Variants in DPYSL2 observed in about 807,000 individuals in gnomAD.
The protein encoded by DPYSL2 is dihydropyrimidinase-related protein 2.
A neutral mutation model predicts 69.9 loss-of-function variants in DPYSL2; 13 were observed. The observed-to-expected ratio is 0.19, with a 90% CI of 0.12 to 0.30. The LOEUF (loss-of-function observed/expected upper bound fraction) is 0.30, where lower values mean the gene tolerates loss of function less well. Ranked by LOEUF, DPYSL2 falls within the 10% of genes least tolerant of loss-of-function variation. DPYSL2 has a pLI of 1.00. For missense variants in DPYSL2, 587 were observed against 918.9 expected, an observed-to-expected ratio of 0.64 and a Z score of 4.67; for synonymous variants, 326 against 359.1, an observed-to-expected ratio of 0.91 and a Z score of 1.04.
chr8:26,521,424 A>G (rs187949793), intron 1 of DPYSL2, among the ~76,000 whole-genome samples: 3 of 151,250 alleles, frequency 2.0e-5, no homozygotes, highest in South Asian at 2.1e-4. Flanking sequence ...TGCTCCTTCT[A>G]TCCATTTCCA....
intron 3 of DPYSL2, among the ~76,000 whole-genome samples, chr8:26,595,050 A>ATCAG (rs1305076720): frequency 7.0e-6 from 1 of 143,142 alleles, no homozygotes; most frequent in African/African-American, 2.5e-5. Flanking sequence ...CAATCAATCA[A>ATCAG]TAACTAAAAA....
chr8:26,574,141 G>A (rs1402654923), intron 1 of DPYSL2, among the ~76,000 whole-genome samples: 1 of 152,174 alleles, frequency 6.6e-6, no homozygotes, highest in East Asian at 1.9e-4. Flanking sequence ...GAGTGCTTAA[G>A]GCTGTGGGGG....
chr8:26,597,477 C>T lies in DPYSL2; in HGVS notation c.628+13494C>T, dbSNP rs528128521. ...CACGGGCAGATGGCATTTTTCTTTT[C>T]TTTTCTTTTTTTTTGGATACAGAGT... On this transcript the variant is annotated intron_variant, in intron 3 of 13. Coordinates refer to ENST00000521913, the MANE Select transcript of DPYSL2 (RefSeq NM_001197293.3). The surrounding 1 kb of genome is among the most constrained non-coding windows in gnomAD (Gnocchi z 5.2). Among the ~76,000 whole-genome samples the T allele has an allele frequency of 2.0e-5, 3 of 152,082 alleles. No individual in the cohort carries two copies. Among genetic ancestry groups the T allele is most frequent in the Non-Finnish European group, 4.4e-5 (3 of 67,992 alleles).
chr8:26,596,733 T>A lies in DPYSL2; in HGVS notation c.628+12750T>A, dbSNP rs1209283074. On this transcript the variant is annotated intron_variant, in intron 3 of 13. Transcript: ENST00000521913. ...GTCCAGAGAAGTGAAATGACTTGCC[T>A]GAAGCCACAGAGCCTGCAAGTGCGA... Among the ~76,000 whole-genome samples, 4 of 152,226 alleles carry A rather than the reference T, an allele frequency of 2.6e-5. No homozygotes were observed. The East Asian group carries it at 7.7e-4, about 29-fold the overall frequency.
At chr8:26,558,444 A>G (rs1430740802) in intron 1 of DPYSL2, among the ~76,000 whole-genome samples, 1 of 152,182 alleles carries the variant, frequency 6.6e-6, no homozygotes. Flanking sequence ...AGTGGAAGAG[A>G]GCAATAGTAG....
At chr8:26,594,672 A>G (rs917284994) in intron 3 of DPYSL2, among the ~76,000 whole-genome samples, 3 of 152,162 alleles carry the variant, frequency 2.0e-5, no homozygotes, top group East Asian at 3.8e-4. Flanking sequence ...CTATCTGTAT[A>G]TATCTATTGT....
At chr8:26,568,422 G>A (rs1045543585) in intron 1 of DPYSL2, among the ~76,000 whole-genome samples, 5 of 152,166 alleles carry the variant, frequency 3.3e-5, no homozygotes, top group Non-Finnish European at 7.3e-5. Flanking sequence ...CCTGAGAGCT[G>A]GCACACAAGG....
At chr8:26,581,662 C>T (rs1167567171) in intron 1 of DPYSL2, among the ~76,000 whole-genome samples, 1 of 152,060 alleles carries the variant, frequency 6.6e-6, no homozygotes. Flanking sequence ...GCATGAGCCA[C>T]CGTGCCCGGC....
chr8:26,613,508 A>C (rs1166797399), intron 3 of DPYSL2, among the ~76,000 whole-genome samples: 4 of 152,222 alleles, frequency 2.6e-5, no homozygotes, highest in Admixed American at 6.5e-5. Context: ...CAGTCACCAG[A>C]GAGGCCCGCC....
At position 26,580,080 on chromosome 8, in the gene DPYSL2, C is replaced by CG. The variant is rs1801456971; in HGVS notation, c.355-1884dup. On this transcript the variant is annotated intron_variant, in intron 1 of 13. Coordinates refer to ENST00000521913, the MANE Select transcript of DPYSL2 (RefSeq NM_001197293.3). The surrounding 1 kb of genome is among the most constrained non-coding windows in gnomAD (Gnocchi z 4.1). Reference sequence around the variant, plus strand: ...GCCTTCTGGAAGGCACTAGAGTGAACGGGGGTGTGGTGTTTCACTTTTTTT... The same window carrying CG: ...GCCTTCTGGAAGGCACTAGAGTGAACGGGGGGTGTGGTGTTTCACTTTTTTT... Among the ~76,000 whole-genome samples, 1 of 151,738 alleles carries CG rather than the reference C, an allele frequency of 6.6e-6. No individual in the cohort carries two copies. The highest frequency in any genetic ancestry group is 6.6e-5 in the Admixed American group (1 of 15,212).
chr8:26,639,355 C>T (rs888324140), intron 8 of DPYSL2, among the ~76,000 whole-genome samples: 1 of 152,230 alleles, frequency 6.6e-6, no homozygotes, highest in Non-Finnish European at 1.5e-5. Context: ...AGGCCACAGA[C>T]TGGAGAACCA....
At chr8:26,572,036 G>C (rs1801244365) in intron 1 of DPYSL2, among the ~76,000 whole-genome samples, 1 of 152,212 alleles carries the variant, frequency 6.6e-6, no homozygotes, top group Non-Finnish European at 1.5e-5. Context: ...CTTCTCTGCA[G>C]GCTGTGTTAG....
rs769321853 is a variant in DPYSL2 at position 26,560,231 on chromosome 8, T to C, written c.355-21738T>C. On this transcript the variant is annotated intron_variant, in intron 1 of 13. Transcript: ENST00000521913. This position sits in a 1 kb window ranked among gnomAD's most constrained non-coding sequence, Gnocchi z 4.4. The stretch of plus-strand genomic sequence containing the variant: ...GTGGCAGGGGCTGCATGTTTAGAAC[T>C]TTCACAAAACAGGGTATATTTCCAT... Among the ~76,000 whole-genome samples, 10 of 152,176 alleles carry C rather than the reference T, an allele frequency of 6.6e-5. No individual in the cohort carries two copies. The highest frequency in any genetic ancestry group is 1.2e-4 in the Non-Finnish European group (8 of 68,032).
chr8:26,552,451 G>A (rs1248926800), intron 1 of DPYSL2, among the ~76,000 whole-genome samples: 1 of 152,132 alleles, frequency 6.6e-6, no homozygotes, highest in African/African-American at 2.4e-5. Flanking sequence ...ACCAAAAGCT[G>A]ATTCTTTGAA....
At chr8:26,646,766 G>A (rs367973000) in intron 10 of DPYSL2, among the ~76,000 whole-genome samples, 2 of 152,076 alleles carry the variant, frequency 1.3e-5, no homozygotes, top group African/African-American at 4.8e-5. Flanking sequence ...CGAGGTGGGA[G>A]GGTTGCTTGA....
At chr8:26,635,012 G>A (rs1802876509) in intron 8 of DPYSL2, 112 bp downstream of exon 8, 1 of 1,473,830 alleles carries the variant, frequency 6.8e-7, no homozygotes, top group Non-Finnish European at 9.1e-7. Context: ...TGGGCCACTT[G>A]CACCATGTTC....
At chr8:26,618,090 T>G (rs1342548226) in intron 3 of DPYSL2, among the ~76,000 whole-genome samples, 1 of 152,166 alleles carries the variant, frequency 6.6e-6, no homozygotes, top group Non-Finnish European at 1.5e-5. Flanking sequence ...TAGTCCTTTT[T>G]CAGAGACTGC....
At position 26,587,449 on chromosome 8, in the gene DPYSL2, G is replaced by A. The variant is rs923315680; in HGVS notation, c.628+3466G>A. ...CACCTGCCCTCACGGGTAAATCCTC[G>A]CCTGCCTCCCTGCTGGCTCTGCGTT... On this transcript the variant is annotated intron_variant, in intron 3 of 13. Coordinates refer to ENST00000521913, the MANE Select transcript of DPYSL2 (RefSeq NM_001197293.3). This position sits in a 1 kb window ranked among gnomAD's most constrained non-coding sequence, Gnocchi z 4.2. Among the ~76,000 whole-genome samples, 2 of 152,074 alleles carry A rather than the reference G, an allele frequency of 1.3e-5. No homozygotes were observed. The highest frequency in any genetic ancestry group is 2.9e-5 in the Non-Finnish European group (2 of 68,024).
intron 1 of DPYSL2, among the ~76,000 whole-genome samples, chr8:26,579,060 G>A (rs11781865): frequency 1.3e-5 from 2 of 152,254 alleles, no homozygotes; most frequent in Non-Finnish European, 2.9e-5. Context: ...CTCAGGAGGC[G>A]TCCGTGTTGG....
Sources: allele counts gnomAD v4.1 joint callset (sites outside exome capture counted in the v4.1 genomes callset), GRCh38; gene constraint gnomAD v4.1.1; non-coding constraint Gnocchi (gnomAD v3.1); transcripts MANE v1.5; gene names NCBI Gene and HGNC (gene_info 2026-07-23, HGNC 2026-07-21).